HHAT: variants seen among roughly 807,000 people sequenced by gnomAD.
HHAT encodes the protein hedgehog acyltransferase.
A neutral mutation model predicts 70.8 loss-of-function variants in HHAT; 47 were observed. That is an observed-to-expected ratio of 0.66 (90% CI 0.53 to 0.85). The LOEUF is 0.85. Ranked by LOEUF, HHAT falls within the 40% of genes least tolerant of loss-of-function variation. The pLI is 0.00. For missense variants in HHAT, 609 were observed against 604.8 expected, an observed-to-expected ratio of 1.01 and a Z score of -0.07; for synonymous variants, 228 against 247.6, an observed-to-expected ratio of 0.92 and a Z score of 0.74.
intron 4 of HHAT, among the ~76,000 whole-genome samples, chr1:210,389,058 T>G (rs2091277478): frequency 6.6e-6 from 1 of 152,228 alleles, no homozygotes; most frequent in African/African-American, 2.4e-5. Flanking sequence ...ATGGTCTTAG[T>G]GCATTTTTGT....
chr1:210,431,780 G>A (rs1392915519), intron 7 of HHAT, among the ~76,000 whole-genome samples: 1 of 151,820 alleles, frequency 6.6e-6, no homozygotes, highest in Non-Finnish European at 1.5e-5. Context: ...CCAATGGCAA[G>A]GACTGGGGGA....
At chr1:210,623,491 T>C in intron 10 of HHAT, 35 bp from the exon 11 acceptor site, 1 of 1,613,022 alleles carries the variant, frequency 6.2e-7, no homozygotes, top group East Asian at 2.2e-5. Flanking sequence ...TTTCCACCCT[T>C]GTCATGAGAT....
chr1:210,663,112 T>A (rs1005410680), intron 11 of HHAT, among the ~76,000 whole-genome samples: 1 of 152,124 alleles, frequency 6.6e-6, no homozygotes. Flanking sequence ...GGGAACATGC[T>A]CTTCAATGCT....
At chr1:210,599,730 C>T (rs1157657580) in intron 10 of HHAT, among the ~76,000 whole-genome samples, 1 of 151,942 alleles carries the variant, frequency 6.6e-6, no homozygotes, top group Non-Finnish European at 1.5e-5. Flanking sequence ...TCCACTTCCT[C>T]CCCCTTCCAT....
At chr1:210,367,284 A>G (rs567809443) in intron 3 of HHAT, among the ~76,000 whole-genome samples, 1 of 152,194 alleles carries the variant, frequency 6.6e-6, no homozygotes, top group African/African-American at 2.4e-5. Flanking sequence ...TGTATCTTCA[A>G]TGCCTGGAGC....
At chr1:210,393,777 T>C (rs1003248768) in intron 4 of HHAT, among the ~76,000 whole-genome samples, 6 of 152,212 alleles carry the variant, frequency 3.9e-5, no homozygotes, top group Non-Finnish European at 5.9e-5. Context: ...TGTGCCTCTC[T>C]CATCCTCTGG....
At chr1:210,380,116 A>G (rs954879716) in intron 3 of HHAT, among the ~76,000 whole-genome samples, 1 of 152,202 alleles carries the variant, frequency 6.6e-6, no homozygotes, top group Non-Finnish European at 1.5e-5. Context: ...TAATCATTCA[A>G]ATTTTTCAAA....
chr1:210,552,349 C>T (rs1038589055), intron 9 of HHAT, among the ~76,000 whole-genome samples: 7 of 152,126 alleles, frequency 4.6e-5, no homozygotes, highest in Non-Finnish European at 7.3e-5. Context: ...CTTACATGTC[C>T]GATTTGTGTC....
intron 8 of HHAT, among the ~76,000 whole-genome samples, chr1:210,477,780 A>T (rs2094327494): frequency 6.6e-6 from 1 of 152,144 alleles, no homozygotes; most frequent in Non-Finnish European, 1.5e-5. Flanking sequence ...TGCTTGCTGC[A>T]TTATTTTAAT....
intron 11 of HHAT, among the ~76,000 whole-genome samples, chr1:210,633,267 A>C (rs558372849): frequency 6.6e-6 from 1 of 152,198 alleles, no homozygotes; most frequent in Non-Finnish European, 1.5e-5. Context: ...CCCACTTCAA[A>C]TGTTCAGGTC....
intron 11 of HHAT, among the ~76,000 whole-genome samples, chr1:210,632,534 AGG>A (rs971647945): frequency 3.3e-5 from 5 of 152,156 alleles, no homozygotes; most frequent in Admixed American, 3.3e-4. Context: ...GGCAAAGAAA[AGG>A]GAAGATGGAG....
At chr1:210,582,116 T>C (rs901386798) in intron 9 of HHAT, among the ~76,000 whole-genome samples, 1 of 152,162 alleles carries the variant, frequency 6.6e-6, no homozygotes, top group Admixed American at 6.5e-5. Flanking sequence ...AGTTGGGAAA[T>C]CAACTGGATT....
chr1:210,329,339 A>G (rs2084781826), intron 1 of HHAT: 3 of 1,205,652 alleles, frequency 2.5e-6, no homozygotes, highest in Non-Finnish European at 3.1e-6. Flanking sequence ...GCGCCGGGAC[A>G]AGTCCGCGCA....
At chr1:210,478,784 C>T (rs918593888) in intron 8 of HHAT, among the ~76,000 whole-genome samples, 21 of 152,152 alleles carry the variant, frequency 1.4e-4, no homozygotes, top group Non-Finnish European at 2.9e-4. Context: ...GTCATATATG[C>T]ACCTCAAAAG....
At chr1:210,409,793 A>G (rs1425842065) in intron 6 of HHAT, among the ~76,000 whole-genome samples, 2 of 152,190 alleles carry the variant, frequency 1.3e-5, no homozygotes, top group African/African-American at 4.8e-5. Context: ...TTTTTATGCA[A>G]TTTGCATGAA....
chr1:210,569,602 C>T (rs1471265337), intron 9 of HHAT, among the ~76,000 whole-genome samples: 2 of 151,980 alleles, frequency 1.3e-5, no homozygotes, highest in African/African-American at 2.4e-5. Context: ...TTTCCTCTGA[C>T]ACTGACTTTG....
At chr1:210,386,376 C>CT (rs1340793734) in intron 3 of HHAT, among the ~76,000 whole-genome samples, 2 of 147,836 alleles carry the variant, frequency 1.4e-5, no homozygotes, top group Non-Finnish European at 3.0e-5. Context: ...GTAGCTGGGA[C>CT]TACAGGCGCC....
At chr1:210,364,984 T>A (rs932258448) in intron 3 of HHAT, among the ~76,000 whole-genome samples, 1 of 152,134 alleles carries the variant, frequency 6.6e-6, no homozygotes, top group Non-Finnish European at 1.5e-5. Context: ...CATCTTCTCA[T>A]CTCTCTACTT....
intron 3 of HHAT, among the ~76,000 whole-genome samples, chr1:210,365,951 A>G (rs1362239813): frequency 6.6e-6 from 1 of 150,808 alleles, no homozygotes; most frequent in Non-Finnish European, 1.5e-5. Flanking sequence ...TTTTGAAGAG[A>G]TGTGATCCTG....
Sources: gnomAD v4.1 joint callset for allele counts (sites outside exome capture counted in the v4.1 genomes callset) on GRCh38, gnomAD v4.1.1 for gene constraint, MANE v1.5 for transcripts, NCBI Gene and HGNC (gene_info 2026-07-23, HGNC 2026-07-21) for gene names.